Variants in GNG7 observed in about 807,000 individuals in gnomAD.
The protein encoded by GNG7 is guanine nucleotide-binding protein G(I)/G(S)/G(O) subunit gamma-7.
A neutral mutation model predicts 4.0 loss-of-function variants in GNG7; 1 was observed. The observed-to-expected ratio is 0.25, with a 90% confidence interval of 0.09 to 1.18. The LOEUF (loss-of-function observed/expected upper bound fraction) is 1.18, where lower values mean the gene tolerates loss of function less well. Among genes scored for constraint, GNG7 ranks in the 50% most tolerant of loss-of-function variants. The probability of loss-of-function intolerance (pLI) is 0.50; values close to 1 mark genes in which losing one functional copy is unlikely to be tolerated. For synonymous variants in GNG7, 34 were observed against 36.9 expected (o/e 0.92, Z 0.29); for missense variants, 86 against 91.9 (o/e 0.94, Z 0.26).
chr19:2,583,353 T>C (rs1413539263), intron 2 of GNG7, among the ~76,000 whole-genome samples: 2 of 152,232 alleles, frequency 1.3e-5, no homozygotes, highest in Non-Finnish European at 2.9e-5. Flanking sequence ...TGATTAAAAA[T>C]GGACCTCTCA....
rs1568268797 is a variant in GNG7, at chr19:2,633,503, A to ACGCGCG, written c.-78+12720_-78+12721insCGCGCG. Among the ~76,000 whole-genome samples, 2 of 144,916 alleles carry ACGCGCG rather than the reference A, an allele frequency of 1.4e-5. No homozygotes were observed. Among genetic ancestry groups the ACGCGCG allele is most frequent in the African/African-American group, 2.8e-5 (1 of 35,740 alleles). ...CGCGCGCGCGCACACACACACACAC[A>ACGCGCG]CACACACACACACACACACACGAGA... On this transcript the variant is annotated intron_variant, in intron 2 of 4. Coordinates refer to ENST00000382159, the MANE Select transcript of GNG7 (RefSeq NM_052847.3). This position sits in a 1 kb window ranked among gnomAD's most constrained non-coding sequence, Gnocchi z 5.9.
At chr19:2,524,669 T>C (rs1267005490) in intron 3 of GNG7, among the ~76,000 whole-genome samples, 1 of 152,230 alleles carries the variant, frequency 6.6e-6, no homozygotes, top group Non-Finnish European at 1.5e-5. Context: ...CGTCTGCATA[T>C]GAGTGTGTGC....
At chr19:2,576,942 C>G (rs1980359671) in intron 2 of GNG7, among the ~76,000 whole-genome samples, 1 of 152,252 alleles carries the variant, frequency 6.6e-6, no homozygotes, top group Admixed American at 6.5e-5. Context: ...CCTCAGCCTC[C>G]CAAAGTGCCG....
intron 2 of GNG7, among the ~76,000 whole-genome samples, chr19:2,594,304 T>C (rs1220532614): frequency 6.7e-6 from 1 of 149,862 alleles, no homozygotes; most frequent in Non-Finnish European, 1.5e-5. Flanking sequence ...ACCTGGGAGG[T>C]AGAGGTTGCA....
intron 2 of GNG7, among the ~76,000 whole-genome samples, chr19:2,577,789 A>T (rs1279481555): frequency 6.6e-6 from 1 of 152,038 alleles, no homozygotes. Context: ...TTGAGAAATA[A>T]ATCTAAAAAG....
At chr19:2,595,669 A>G (rs1376089228) in intron 2 of GNG7, among the ~76,000 whole-genome samples, 3 of 150,264 alleles carry the variant, frequency 2.0e-5, no homozygotes, top group Non-Finnish European at 3.0e-5. Flanking sequence ...CGGGAGGCGG[A>G]GCTTGCAGCG....
rs572807884 is a variant in GNG7, at chr19:2,696,929, C to G, written c.-135+5717G>C. Among the ~76,000 whole-genome samples, 7 of 152,218 alleles carry G rather than the reference C, an allele frequency of 4.6e-5. No homozygotes were observed. In the South Asian group the frequency reaches 1.4e-3, roughly 32 times the overall value. On this transcript the variant is annotated intron_variant, in intron 1 of 4. Coordinates refer to ENST00000382159, the MANE Select transcript of GNG7 (RefSeq NM_052847.3). ...GCCCAGGCTGGAGTGCAGTGCTCAC[C>G]GCAACCTCCGCCTCCCAGGTTCAAG...
chr19:2,556,603 G>A (rs933541118), intron 2 of GNG7, among the ~76,000 whole-genome samples: 4 of 152,232 alleles, frequency 2.6e-5, no homozygotes, highest in Admixed American at 1.3e-4. Context: ...CTGCGCCCCG[G>A]GGCTGCATTG....
Position 2,684,177 on chromosome 19 carries a change from C to T in GNG7, c.-135+18469G>A, listed in dbSNP as rs376595020. ...TTTGAGATGGAGTCTCACTCTGTCGCCCAGGCTGGAGTGCAATGGTGCGAT... is the reference window on the plus strand; with the variant it reads ...TTTGAGATGGAGTCTCACTCTGTCGTCCAGGCTGGAGTGCAATGGTGCGAT... On this transcript the variant is annotated intron_variant, in intron 1 of 4. Coordinates refer to ENST00000382159, the MANE Select transcript of GNG7 (RefSeq NM_052847.3). Among the ~76,000 whole-genome samples, 11 of 149,546 alleles carry T rather than the reference C, an allele frequency of 7.4e-5. No homozygotes were observed. The South Asian group carries it at 2.1e-3, about 29-fold the overall frequency.
intron 1 of GNG7, among the ~76,000 whole-genome samples, chr19:2,693,552 T>C (rs535254270): frequency 6.6e-6 from 1 of 152,218 alleles, no homozygotes; most frequent in South Asian, 2.1e-4. Flanking sequence ...TCCAAAAAGG[T>C]AGCCATTTCT....
At chr19:2,672,050 CAAAAAAAAA>C (rs528016536) in intron 1 of GNG7, among the ~76,000 whole-genome samples, 1 of 87,194 alleles carries the variant, frequency 1.1e-5, no homozygotes, top group Admixed American at 1.3e-4. Context: ...GACTCCGTCT[CAAAAAAAAA>C]AAAAAAAAAA....
At chr19:2,690,922 T>C (rs1226804677) in intron 1 of GNG7, among the ~76,000 whole-genome samples, 1 of 152,126 alleles carries the variant, frequency 6.6e-6, no homozygotes, top group Non-Finnish European at 1.5e-5. Context: ...GATACCACAA[T>C]GGTGGACACG....
chr19:2,666,552 T>C (rs1312107697), intron 1 of GNG7, among the ~76,000 whole-genome samples: 7 of 152,138 alleles, frequency 4.6e-5, no homozygotes, highest in Admixed American at 4.6e-4. Flanking sequence ...GCTCAAGCGA[T>C]CCTCCCTGCT....
chr19:2,566,253 G>C (rs1189020892), intron 2 of GNG7, among the ~76,000 whole-genome samples: 1 of 152,180 alleles, frequency 6.6e-6, no homozygotes, highest in Non-Finnish European at 1.5e-5. Flanking sequence ...ATAGGAGATT[G>C]GGGTGACAAG....
rs1981748699 is a variant in GNG7 at position 2,617,337 on chromosome 19, C to T, written c.-78+28887G>A. Among the ~76,000 whole-genome samples the T allele has an allele frequency of 6.6e-6, 1 of 152,228 alleles. No homozygotes were observed. Among genetic ancestry groups the T allele is most frequent in the African/African-American group, 2.4e-5 (1 of 41,454 alleles). On this transcript the variant is annotated intron_variant, in intron 2 of 4. Transcript: ENST00000382159. This position sits in a 1 kb window ranked among gnomAD's most constrained non-coding sequence, Gnocchi z 4.7. Reference sequence around the variant, plus strand: ...TTTCAGGGAGGCAGAGCTCACCAGCCATCCAGGCACTGAGCCCGGCCCAGC... The same window carrying T: ...TTTCAGGGAGGCAGAGCTCACCAGCTATCCAGGCACTGAGCCCGGCCCAGC...
In GNG7 at chr19:2,611,904, T is replaced by A. The variant is rs564035563; in HGVS notation, c.-78+34320A>T. ...TCTTTTTTTTTTTTGAGATGGAGTCTCGCTCTGTCACCAGGCTGAAGTGCA... is the reference window on the plus strand; with the variant it reads ...TCTTTTTTTTTTTTGAGATGGAGTCACGCTCTGTCACCAGGCTGAAGTGCA... On this transcript the variant is annotated intron_variant, in intron 2 of 4. Coordinates refer to ENST00000382159, the MANE Select transcript of GNG7 (RefSeq NM_052847.3). The surrounding 1 kb of genome is among the most constrained non-coding windows in gnomAD (Gnocchi z 6.0). 8.6e-5 allele frequency: 13 copies of A among 151,946 alleles called. No homozygotes were observed. The highest frequency in any genetic ancestry group is 3.1e-4 in the African/African-American group (13 of 41,450). 9.4% of individuals were successfully genotyped at this position (151,946 alleles called of 1,614,324 possible). A position where few individuals can be genotyped will look rare whatever the true frequency, so the allele number is the denominator to read the frequency against.
intron 1 of GNG7, among the ~76,000 whole-genome samples, chr19:2,678,549 C>T (rs990269717): frequency 7.9e-5 from 12 of 152,244 alleles, no homozygotes; most frequent in African/African-American, 2.9e-4. Flanking sequence ...AACTCAGTCA[C>T]CTATTATGGG....
At chr19:2,622,583 CAG>C in intron 2 of GNG7, among the ~76,000 whole-genome samples, 1 of 129,848 alleles carries the variant, frequency 7.7e-6, no homozygotes, top group South Asian at 2.4e-4. Context: ...AGCAACGCGG[CAG>C]AGAGGGGGGC....
rs1022271548 is a variant in GNG7, at chr19:2,600,270, A to G, written c.-77-45082T>C. Among the ~76,000 whole-genome samples, 7 of 151,958 alleles carry G rather than the reference A, an allele frequency of 4.6e-5. No homozygotes were observed. The South Asian group carries it at 1.5e-3, about 31-fold the overall frequency. On this transcript the variant is annotated intron_variant, in intron 2 of 4. Coordinates refer to ENST00000382159, the MANE Select transcript of GNG7 (RefSeq NM_052847.3). ...GAAAAGTAACTATTTTTCAAAAAAA[A>G]AAAACATTGAGGGGAAATAGTGGCA...
Sources: gnomAD v4.1 joint callset for allele counts (sites outside exome capture counted in the v4.1 genomes callset) on GRCh38, gnomAD v4.1.1 for gene constraint, Gnocchi (gnomAD v3.1) non-coding constraint, MANE v1.5 for transcripts, NCBI Gene and HGNC (gene_info 2026-07-23, HGNC 2026-07-21) for gene names.